Variants in PDE11A observed in about 807,000 individuals in gnomAD.
The protein encoded by PDE11A is dual 3',5'-cyclic-AMP and -GMP phosphodiesterase 11A.
In PDE11A, 100 loss-of-function variants were observed where a neutral mutation model predicts 100.5. The ratio of observed to expected loss-of-function variants is 1.00; its 90% CI spans 0.85 to 1.18. PDE11A has a LOEUF of 1.18. Among genes scored for constraint, PDE11A ranks in the 50% most tolerant of loss-of-function variants. PDE11A has a pLI of 0.00. For synonymous variants in PDE11A, 381 were observed against 420.8 expected (o/e 0.91, Z 1.16); for missense variants, 1,141 against 1,152.6 (o/e 0.99, Z 0.15).
At chr2:178,033,554 A>G (rs1196466028) in intron 1 of PDE11A, among the ~76,000 whole-genome samples, 1 of 152,188 alleles carries the variant, frequency 6.6e-6, no homozygotes, top group Non-Finnish European at 1.5e-5. Flanking sequence ...AGAGAACAAC[A>G]CTAAGATACT....
At chr2:177,980,953 C>T (rs1386787311) in intron 2 of PDE11A, among the ~76,000 whole-genome samples, 1 of 140,916 alleles carries the variant, frequency 7.1e-6, no homozygotes, top group Non-Finnish European at 1.6e-5. Context: ...GTGGCTACGA[C>T]CTTAAACCAG....
At chr2:177,992,572 T>A (rs2086017602) in intron 2 of PDE11A, among the ~76,000 whole-genome samples, 1 of 152,226 alleles carries the variant, frequency 6.6e-6, no homozygotes, top group Non-Finnish European at 1.5e-5. Flanking sequence ...ACATTCTGTA[T>A]AAACTTTTAT....
chr2:177,780,705 A>G (rs1433235319), intron 9 of PDE11A, among the ~76,000 whole-genome samples: 1 of 152,190 alleles, frequency 6.6e-6, no homozygotes, highest in Non-Finnish European at 1.5e-5. Flanking sequence ...TGTTTTGGAG[A>G]TGGCTTCTTC....
intron 2 of PDE11A, among the ~76,000 whole-genome samples, chr2:177,938,353 A>G (rs1228914971): frequency 1.3e-5 from 2 of 152,204 alleles, no homozygotes; most frequent in Non-Finnish European, 2.9e-5. Flanking sequence ...AAGGACGTCC[A>G]TCCATCCCTC....
intron 15 of PDE11A, among the ~76,000 whole-genome samples, chr2:177,682,022 A>T (rs528624273): frequency 6.6e-6 from 1 of 152,306 alleles, no homozygotes; most frequent in Non-Finnish European, 1.5e-5. Flanking sequence ...GAATTAAGTA[A>T]GAGCTTGGCA....
chr2:177,697,210 A>T lies in PDE11A; in HGVS notation c.2345+122T>A, dbSNP rs1323064339. The T allele has an allele frequency of 1.0e-5, 7 of 691,000 alleles. No individual in the cohort carries two copies. The East Asian group carries it at 1.7e-4, about 16-fold the overall frequency. The allele number at this position is 691,000 out of a possible 1,614,324, so 42.8% of individuals were successfully genotyped here. ...ATCAGAGAGAAACAACAACAAAAAA[A>T]GTTTAGCTGGTTTACACATTGATAT... On this transcript the variant is annotated intron_variant, in intron 15 of 19. Coordinates refer to ENST00000286063, the MANE Select transcript of PDE11A (RefSeq NM_016953.4).
At chr2:178,039,764 T>C (rs1366822334) in intron 1 of PDE11A, among the ~76,000 whole-genome samples, 1 of 152,088 alleles carries the variant, frequency 6.6e-6, no homozygotes, top group Non-Finnish European at 1.5e-5. Context: ...CAAAGGAACA[T>C]TATACGGCAC....
chr2:178,032,767 G>T (rs951382415), intron 1 of PDE11A, among the ~76,000 whole-genome samples: 2 of 152,194 alleles, frequency 1.3e-5, no homozygotes, highest in Non-Finnish European at 2.9e-5. Context: ...AGGGTCTAGA[G>T]TGGACCTCCA....
intron 1 of PDE11A, among the ~76,000 whole-genome samples, chr2:178,036,217 C>T (rs2086611182): frequency 6.6e-6 from 1 of 152,046 alleles, no homozygotes; most frequent in South Asian, 2.1e-4. Flanking sequence ...ACAAGCATTC[C>T]TATATATCAA....
At chr2:177,990,977 G>C (rs1466482349) in intron 2 of PDE11A, among the ~76,000 whole-genome samples, 2 of 150,934 alleles carry the variant, frequency 1.3e-5, no homozygotes, top group Non-Finnish European at 2.9e-5. Flanking sequence ...CTGGGCAACA[G>C]AGTGAGACTC....
intron 2 of PDE11A, among the ~76,000 whole-genome samples, chr2:178,007,615 T>C (rs2086227028): frequency 6.6e-6 from 1 of 152,222 alleles, no homozygotes; most frequent in Admixed American, 6.5e-5. Flanking sequence ...GTCTTAATGA[T>C]CAAATATAAC....
intron 9 of PDE11A, among the ~76,000 whole-genome samples, chr2:177,790,863 C>T (rs1044895288): frequency 2.0e-5 from 3 of 152,092 alleles, no homozygotes; most frequent in Admixed American, 6.5e-5. Flanking sequence ...GTTAGAATGG[C>T]AATCATTAAA....
At chr2:177,845,451 C>T (rs2083574999) in intron 5 of PDE11A, among the ~76,000 whole-genome samples, 1 of 151,648 alleles carries the variant, frequency 6.6e-6, no homozygotes, top group Non-Finnish European at 1.5e-5. Context: ...GGCAGAGACG[C>T]TCCTCACTTC....
intron 4 of PDE11A, among the ~76,000 whole-genome samples, chr2:177,879,992 A>G (rs542899033): frequency 1.3e-5 from 2 of 152,368 alleles, no homozygotes; most frequent in South Asian, 4.1e-4. Context: ...GGGAAAGTCA[A>G]GGACTATGTA....
chr2:177,799,019 A>G (rs2082746347), intron 9 of PDE11A, among the ~76,000 whole-genome samples: 1 of 152,202 alleles, frequency 6.6e-6, no homozygotes, highest in Non-Finnish European at 1.5e-5. Context: ...TCCCCTTGAT[A>G]TGATGTGATT....
intron 9 of PDE11A, chr2:177,797,007 A>T (rs1284039417): frequency 7.9e-5 from 12 of 152,258 alleles, no homozygotes; most frequent in Non-Finnish European, 7.3e-5. Context: ...CAGTGAGGTA[A>T]AAGAGGAGGA....
intron 2 of PDE11A, among the ~76,000 whole-genome samples, chr2:177,972,485 C>T (rs2085784263): frequency 1.3e-5 from 2 of 152,120 alleles, no homozygotes; most frequent in South Asian, 4.1e-4. Context: ...GGAGTGGCCA[C>T]ATCAGGTGTA....
chr2:177,830,328 G>C, intron 6 of PDE11A, among the ~76,000 whole-genome samples: 1 of 152,030 alleles, frequency 6.6e-6, no homozygotes, highest in Non-Finnish European at 1.5e-5. Flanking sequence ...GGCTGGGCGC[G>C]GTAGCTCACG....
intron 2 of PDE11A, among the ~76,000 whole-genome samples, chr2:177,933,497 A>G (rs937966344): frequency 2.0e-5 from 3 of 152,128 alleles, no homozygotes; most frequent in East Asian, 3.9e-4. Flanking sequence ...CTTGATCAAT[A>G]TGGTGAAACC....
Sources: gnomAD v4.1 joint callset for allele counts (sites outside exome capture counted in the v4.1 genomes callset) on GRCh38, gnomAD v4.1.1 for gene constraint, MANE v1.5 for transcripts, NCBI Gene and HGNC (gene_info 2026-07-23, HGNC 2026-07-21) for gene names.